FAM151B: variants seen among roughly 807,000 people sequenced by gnomAD.
FAM151B encodes the protein protein FAM151B.
In FAM151B, 24 loss-of-function variants were observed where a neutral mutation model predicts 31.2. The observed-to-expected ratio is 0.77, with a 90% CI of 0.56 to 1.08. The LOEUF (loss-of-function observed/expected upper bound fraction) is 1.08. Ranked by LOEUF, FAM151B falls within the 50% of genes least tolerant of loss-of-function variation. The pLI is 0.00. For synonymous variants in FAM151B, 105 were observed against 111.4 expected (o/e 0.94, Z 0.36); for missense variants, 293 against 328.6 (o/e 0.89, Z 0.84).
intron 5 of FAM151B, among the ~76,000 whole-genome samples, chr5:80,538,467 T>C (rs1411299328): frequency 5.5e-5 from 7 of 126,280 alleles, no homozygotes; most frequent in East Asian, 2.3e-4. Flanking sequence ...TCTTTCTTTC[T>C]TTCTTTCTTT....
intron 1 of FAM151B, among the ~76,000 whole-genome samples, chr5:80,499,451 A>C (rs1743664861): frequency 6.6e-6 from 1 of 152,232 alleles, no homozygotes; most frequent in Non-Finnish European, 1.5e-5. Flanking sequence ...GTAGATATGC[A>C]GTAAGATATG....
At chr5:80,524,230 T>G (rs939515154) in intron 5 of FAM151B, among the ~76,000 whole-genome samples, 1 of 152,126 alleles carries the variant, frequency 6.6e-6, no homozygotes, top group Non-Finnish European at 1.5e-5. Flanking sequence ...AAGTACCATA[T>G]GACTATGGCC....
At chr5:80,500,716 G>A in intron 1 of FAM151B, 1 of 848,286 alleles carries the variant, frequency 1.2e-6, no homozygotes, top group East Asian at 2.4e-5. Flanking sequence ...ACAGGCTTCA[G>A]TTAACATGCT....
intron 2 of FAM151B, chr5:80,511,196 G>C (rs1187561694): frequency 6.6e-6 from 1 of 152,156 alleles, no homozygotes. Flanking sequence ...ATGTGGCCGG[G>C]TGTGGTGGCT....
rs149068439 is a variant in FAM151B at position 80,506,520 on chromosome 5, C to T, written c.151+4603C>T. 1.3e-3 allele frequency among the ~76,000 whole-genome samples: 199 copies of T among 152,178 alleles called. 2 individuals are homozygous for T. In the East Asian group the frequency reaches 0.014, roughly 11 times the overall value. ...TGAATCTGAATTTCTATTTATTTGC[C>T]GCCAGAAGCATCCAGTAGATCTATG... On this transcript the variant is annotated intron_variant, in intron 2 of 5. Coordinates refer to ENST00000282226, the MANE Select transcript of FAM151B (RefSeq NM_205548.3).
chr5:80,527,221 G>A (rs1309696747), intron 5 of FAM151B, among the ~76,000 whole-genome samples: 2 of 151,930 alleles, frequency 1.3e-5, no homozygotes, highest in African/African-American at 2.4e-5. Context: ...TCAGGAGTTC[G>A]AGACCAGCCT....
intron 5 of FAM151B, among the ~76,000 whole-genome samples, chr5:80,533,357 A>C (rs1343902389): frequency 1.3e-5 from 2 of 152,088 alleles, no homozygotes; most frequent in African/African-American, 4.8e-5. Flanking sequence ...AGCCTAGGTG[A>C]CAAAGCGAGA....
chr5:80,503,259 A>G (rs1172784894), intron 2 of FAM151B, among the ~76,000 whole-genome samples: 1 of 152,218 alleles, frequency 6.6e-6, no homozygotes, highest in Non-Finnish European at 1.5e-5. Flanking sequence ...ATCATAATAA[A>G]TAGGTGAACT....
intron 2 of FAM151B, among the ~76,000 whole-genome samples, chr5:80,503,638 G>GT (rs911990466): frequency 6.6e-6 from 1 of 151,924 alleles, no homozygotes; most frequent in Non-Finnish European, 1.5e-5. Flanking sequence ...AATAAATTCT[G>GT]TTTTTTTCTA....
At position 80,522,838 on chromosome 5, in the gene FAM151B, A is replaced by G. The variant is rs139371755; in HGVS notation, c.671+700A>G. Reference sequence around the variant, plus strand: ...GTAATAAAAATTAGTTGGACCACCTATTGAATATTTAAATAGATTATAAAA... The same window carrying G: ...GTAATAAAAATTAGTTGGACCACCTGTTGAATATTTAAATAGATTATAAAA... On this transcript the variant is annotated intron_variant, in intron 5 of 5. Transcript: ENST00000282226. 3.4e-3 allele frequency among the ~76,000 whole-genome samples: 514 copies of G among 152,280 alleles called. 3 individuals are homozygous for G. Among genetic ancestry groups the G allele is most frequent in the African/African-American group, 0.012 (499 of 41,564 alleles).
intron 4 of FAM151B, among the ~76,000 whole-genome samples, chr5:80,521,785 T>C (rs1192449878): frequency 6.6e-6 from 1 of 152,188 alleles, no homozygotes; most frequent in Non-Finnish European, 1.5e-5. Context: ...TTAAATTTGC[T>C]CTAGGTCACT....
chr5:80,538,895 G>C (rs2112683347), intron 5 of FAM151B, among the ~76,000 whole-genome samples: 1 of 151,876 alleles, frequency 6.6e-6, no homozygotes, highest in South Asian at 2.1e-4. Flanking sequence ...ACCGTGTCTG[G>C]TCCCCCTTCT....
intron 3 of FAM151B, among the ~76,000 whole-genome samples, chr5:80,514,541 G>A (rs1460307103): frequency 2.7e-5 from 4 of 150,680 alleles, no homozygotes; most frequent in Non-Finnish European, 1.5e-5. Context: ...CATTAATACT[G>A]AAGAGCAAGA....
intron 5 of FAM151B, among the ~76,000 whole-genome samples, chr5:80,524,400 GTCC>G (rs1371397597): frequency 3.3e-5 from 5 of 152,016 alleles, no homozygotes; most frequent in African/African-American, 9.6e-5. Context: ...ATTAACTATA[GTCC>G]TCCTACTGTC....
chr5:80,495,027 C>T (rs1201560743), intron 1 of FAM151B: 1 of 152,220 alleles, frequency 6.6e-6, no homozygotes, highest in Non-Finnish European at 1.5e-5. Flanking sequence ...AATTATGCTA[C>T]ATCTACTTCT....
At chr5:80,497,414 CAA>C (rs1187044492) in intron 1 of FAM151B, among the ~76,000 whole-genome samples, 2 of 58,336 alleles carry the variant, frequency 3.4e-5, no homozygotes, top group East Asian at 5.4e-4. Flanking sequence ...GACTCCGGCT[CAA>C]AAAAAAAAAA....
At chr5:80,490,012 T>C (rs1465294262) in intron 1 of FAM151B, among the ~76,000 whole-genome samples, 5 of 70,514 alleles carry the variant, frequency 7.1e-5, no homozygotes, top group African/African-American at 2.1e-4. Context: ...ATGTCATTTT[T>C]CCCCCTTACA....
chr5:80,538,464 T>C (rs190171453), intron 5 of FAM151B, among the ~76,000 whole-genome samples: 29,313 of 107,700 alleles, frequency 0.27, 4,852 homozygotes, highest in East Asian at 0.4. Context: ...CTTTCTTTCT[T>C]TCTTTCTTTC....
At chr5:80,506,038 G>A in intron 2 of FAM151B, 1 of 987,292 alleles carries the variant, frequency 1.0e-6, no homozygotes, top group Non-Finnish European at 1.2e-6. Flanking sequence ...TTACAGGTGT[G>A]AGCCACCACG....
Sources: allele counts gnomAD v4.1 joint callset (sites outside exome capture counted in the v4.1 genomes callset), GRCh38; gene constraint gnomAD v4.1.1; transcripts MANE v1.5; gene names NCBI Gene and HGNC (gene_info 2026-07-23, HGNC 2026-07-21).